Variants in MED13 observed in about 807,000 individuals in gnomAD.
The protein encoded by MED13 is mediator of RNA polymerase II transcription subunit 13.
A neutral mutation model predicts 225.2 loss-of-function variants in MED13; 23 were observed. That is an observed-to-expected ratio of 0.10 (90% CI 0.07 to 0.14). MED13 has a LOEUF of 0.14. Ranked by LOEUF, MED13 falls within the 10% of genes least tolerant of loss-of-function variation. MED13 has a pLI of 1.00. For missense variants in MED13, 2,197 were observed against 2,594.5 expected (o/e 0.85, Z 3.33); for synonymous variants, 942 against 889.2 (o/e 1.06, Z -1.06).
intron 2 of MED13, among the ~76,000 whole-genome samples, chr17:62,053,218 T>G (rs73336453): frequency 6.6e-6 from 1 of 152,318 alleles, no homozygotes; most frequent in African/African-American, 2.4e-5. Flanking sequence ...AAGGAAGCTG[T>G]TGGCACAGAG....
At chr17:62,028,917 G>A (rs2080727715) in intron 8 of MED13, among the ~76,000 whole-genome samples, 1 of 152,138 alleles carries the variant, frequency 6.6e-6, no homozygotes, top group Admixed American at 6.5e-5. Flanking sequence ...TAGCACTTTG[G>A]AAAGCCAAGG....
intron 8 of MED13, among the ~76,000 whole-genome samples, chr17:62,028,352 T>C (rs1167027757): frequency 6.6e-6 from 1 of 152,222 alleles, no homozygotes; most frequent in South Asian, 2.1e-4. Context: ...TGAGAACTCA[T>C]GGACACAAAG....
intron 8 of MED13, among the ~76,000 whole-genome samples, chr17:62,012,563 C>T (rs1056429982): frequency 2.0e-5 from 3 of 151,980 alleles, no homozygotes; most frequent in African/African-American, 7.2e-5. Flanking sequence ...CTCCCGACCT[C>T]AGGAGATCTG....
At position 62,058,055 on chromosome 17, in the gene MED13, C is replaced by A. The variant is rs2081009057; in HGVS notation, c.301+5012G>T. 2.0e-5 allele frequency among the ~76,000 whole-genome samples: 3 copies of A among 152,172 alleles called. No individual in the cohort carries two copies. The South Asian group carries it at 6.2e-4, about 32-fold the overall frequency. ...CAAGACCACATTAATGAAAATGATA[C>A]AATCTTGCTCTGAAGCAAATTAACA... On this transcript the variant is annotated intron_variant, in intron 2 of 29. Coordinates refer to ENST00000397786, the MANE Select transcript of MED13 (RefSeq NM_005121.3).
rs1159127103 is a variant in MED13, at chr17:61,956,489, G to A, written c.5481-8C>T. 1.3e-6 allele frequency: 2 copies of A among 1,596,396 alleles called. No individual in the cohort carries two copies. Among genetic ancestry groups the A allele is most frequent in the Non-Finnish European group, 1.7e-6 (2 of 1,175,252 alleles). ...CTTTTTTTCCGACGAGCCCTATTGT[G>A]TGAATAAAGAGAGTGTCATAAATAT... On this transcript the variant is annotated splice_region_variant and splice_polypyrimidine_tract_variant and intron_variant, in intron 23 of 29. Transcript: ENST00000397786.
chr17:62,035,981 G>A (rs923472309), intron 3 of MED13, among the ~76,000 whole-genome samples: 1 of 151,622 alleles, frequency 6.6e-6, no homozygotes, highest in Non-Finnish European at 1.5e-5. Flanking sequence ...AAAGAGAGAG[G>A]GTCTCAGTAT....
At position 62,010,681 on chromosome 17, in the gene MED13, A is replaced by T; in HGVS notation, c.1836T>A (p.Asn612Lys). 6.5e-7 allele frequency: 1 copy of T among 1,548,224 alleles called. No individual in the cohort carries two copies. Among genetic ancestry groups the T allele is most frequent in the South Asian group, 1.2e-5 (1 of 81,048 alleles). Residue 612 changes from asparagine to lysine, a missense_variant, in exon 9 of 30, where the codon AAT (asparagine) becomes AAA (lysine). Physicochemically the swap from Asn to Lys is moderately conservative, Grantham distance 94. This residue lies in a region of MED13 where 884 missense variants were observed against 918.5 expected (regional missense o/e 0.96). Coordinates refer to ENST00000397786, the MANE Select transcript of MED13 (RefSeq NM_005121.3). ...GGAACTTGTAATACTTCCAGGCTAT[A>T]TTGGCTTCATCTTCTTCCAAGTTTA... ...TAVNLEEDEA[N>K]IAWKYYKFPK... is the part of the protein sequence containing the mutation.
At chr17:61,990,688 A>AAT (rs1213532141) in intron 11 of MED13, among the ~76,000 whole-genome samples, 1 of 149,220 alleles carries the variant, frequency 6.7e-6, no homozygotes, top group Non-Finnish European at 1.5e-5. Flanking sequence ...GTATACCATA[A>AAT]ATATATATAA....
intron 9 of MED13, chr17:62,006,167 T>C (rs2080445126): frequency 6.8e-6 from 1 of 146,354 alleles, no homozygotes; most frequent in African/African-American, 2.5e-5. Flanking sequence ...AACAGGAGAG[T>C]CTAACTGCCT....
chr17:61,956,302 A>T (rs1269522642), intron 24 of MED13, 37 bp downstream of exon 24: 1 of 1,581,246 alleles, frequency 6.3e-7, no homozygotes, highest in Non-Finnish European at 8.6e-7. Context: ...ATTTACATAA[A>T]ACGGAAATAT....
Position 61,956,466 on chromosome 17 carries a change from T to C in MED13, c.5496A>G (p.Lys1832=), listed in dbSNP as rs1330342170. ...GTAGACCAAATTTTCTAGCAGAACT[T>C]TTTTTCCGACGAGCCCTATTGTGTG... ...IDVPNRARRK[K]SSARKFGLQK... The change falls in exon 24 of 30, where the codon AAA becomes AAG. Residue 1832 remains lysine (K), a synonymous_variant. Transcript: ENST00000397786. 1.9e-6 allele frequency: 3 copies of C among 1,611,940 alleles called. No individual in the cohort carries two copies. The highest frequency in any genetic ancestry group is 2.7e-5 in the African/African-American group (2 of 74,822).
At chr17:61,976,620 T>A (rs1368722633) in intron 16 of MED13, among the ~76,000 whole-genome samples, 4 of 152,178 alleles carry the variant, frequency 2.6e-5, no homozygotes, top group African/African-American at 9.7e-5. Context: ...TTCAACAAAA[T>A]TAATGTTGTC....
At chr17:61,971,706 G>A (rs1238299361) in intron 17 of MED13, among the ~76,000 whole-genome samples, 1 of 152,172 alleles carries the variant, frequency 6.6e-6, no homozygotes, top group East Asian at 1.9e-4. Context: ...GGCTGAGGCA[G>A]GCAGATCACC....
At chr17:62,028,986 T>C (rs1030654463) in intron 8 of MED13, among the ~76,000 whole-genome samples, 1 of 151,996 alleles carries the variant, frequency 6.6e-6, no homozygotes, top group Non-Finnish European at 1.5e-5. Flanking sequence ...CAAGATCCCC[T>C]CTCTACGAAT....
intron 10 of MED13, among the ~76,000 whole-genome samples, chr17:61,994,072 C>T (rs2080327248): frequency 6.6e-6 from 1 of 151,590 alleles, no homozygotes; most frequent in Non-Finnish European, 1.5e-5. Flanking sequence ...GATCTCAGCT[C>T]ACTGCAACTT....
intron 19 of MED13, 108 bp downstream of exon 19, chr17:61,966,354 T>C: frequency 2.3e-6 from 2 of 875,592 alleles, no homozygotes; most frequent in Non-Finnish European, 3.5e-6. Context: ...AGAAAATACA[T>C]AAATGAGGAT....
chr17:61,985,186 C>A, intron 12 of MED13, 96 bp from the exon 13 acceptor site: 1 of 976,644 alleles, frequency 1.0e-6, no homozygotes, highest in Non-Finnish European at 1.5e-6. Context: ...AAAGCCCATT[C>A]ATTAAAAGTA....
At chr17:62,042,576 A>AC (rs2080862368) in intron 3 of MED13, among the ~76,000 whole-genome samples, 2 of 151,270 alleles carry the variant, frequency 1.3e-5, no homozygotes, top group Non-Finnish European at 2.9e-5. Context: ...AAAAAAAAAA[A>AC]AAAACCAAAA....
intron 8 of MED13, among the ~76,000 whole-genome samples, chr17:62,012,489 C>A (rs572900165): frequency 6.6e-6 from 1 of 151,452 alleles, no homozygotes. Flanking sequence ...GGCCACCATG[C>A]CCGGCTAATT....
Sources: allele counts gnomAD v4.1 joint callset (sites outside exome capture counted in the v4.1 genomes callset), GRCh38; gene constraint gnomAD v4.1.1; regional missense constraint gnomAD v4.1.1; transcripts MANE v1.5; gene names NCBI Gene and HGNC (gene_info 2026-07-23, HGNC 2026-07-21).